IQGAP2: variants seen among roughly 807,000 people sequenced by gnomAD.
The protein encoded by IQGAP2 is ras GTPase-activating-like protein IQGAP2.
A neutral mutation model predicts 201.3 loss-of-function variants in IQGAP2; 173 were observed. That is an observed-to-expected ratio of 0.86 (90% CI 0.76 to 0.98). The LOEUF is 0.98. Ranked by LOEUF, IQGAP2 falls within the 50% of genes least tolerant of loss-of-function variation. IQGAP2 has a pLI of 0.00. For missense variants in IQGAP2, 1,687 were observed against 1,864.8 expected, an observed-to-expected ratio of 0.90 and a Z score of 1.76; for synonymous variants, 675 against 673.9, an observed-to-expected ratio of 1.00 and a Z score of -0.03.
intron 13 of IQGAP2, chr5:76,623,545 G>C (rs1201615285): frequency 1.5e-5 from 4 of 274,908 alleles, no homozygotes; most frequent in Non-Finnish European, 2.7e-5. Flanking sequence ...TCCCCTAGTA[G>C]ATTTGCTTTT....
intron 1 of IQGAP2, among the ~76,000 whole-genome samples, chr5:76,458,982 G>A (rs957529232): frequency 6.6e-6 from 1 of 152,156 alleles, no homozygotes; most frequent in Non-Finnish European, 1.5e-5. Context: ...ACCAAAGCAG[G>A]ATAGGAGGGC....
At chr5:76,660,185 G>A (rs1361443273) in intron 21 of IQGAP2, 1 of 152,242 alleles carries the variant, frequency 6.6e-6, no homozygotes, top group African/African-American at 2.4e-5. Flanking sequence ...ACATGGGCAT[G>A]TGAATGCCCC....
intron 1 of IQGAP2, among the ~76,000 whole-genome samples, chr5:76,443,035 A>G (rs1753140948): frequency 6.6e-6 from 1 of 152,156 alleles, no homozygotes; most frequent in African/African-American, 2.4e-5. Flanking sequence ...ATGATACCGG[A>G]ATAAAGACCA....
chr5:76,683,991 T>C, intron 30 of IQGAP2, 74 bp downstream of exon 30: 1 of 1,314,030 alleles, frequency 7.6e-7, no homozygotes, highest in East Asian at 2.4e-5. Context: ...TGAGGCTAAA[T>C]CCCAACTAAT....
chr5:76,486,170 G>T (rs1398661907), intron 2 of IQGAP2, among the ~76,000 whole-genome samples: 1 of 152,164 alleles, frequency 6.6e-6, no homozygotes, highest in Admixed American at 6.5e-5. Flanking sequence ...TTGGTATAAA[G>T]GTGTTCAGCT....
intron 2 of IQGAP2, among the ~76,000 whole-genome samples, chr5:76,539,888 G>T (rs1742641346): frequency 6.6e-6 from 1 of 152,134 alleles, no homozygotes; most frequent in Non-Finnish European, 1.5e-5. Context: ...TCTTTCTGTA[G>T]TGCCCAGGAT....
intron 2 of IQGAP2, among the ~76,000 whole-genome samples, chr5:76,467,322 T>A: frequency 6.6e-6 from 1 of 152,158 alleles, no homozygotes; most frequent in Non-Finnish European, 1.5e-5. Flanking sequence ...AATTTTAAAA[T>A]GGGCAAAAGT....
In IQGAP2 at chr5:76,677,294, ACAGT is replaced by A; in HGVS notation, c.3608_3611del (p.Val1203AlafsTer34). On this transcript the variant is annotated frameshift_variant, in exon 28 of 36. Transcript: ENST00000274364. LOFTEE classifies it high-confidence loss of function. ...TATGGACAAATACACAGACCTGGTG[ACAGT>A]CAGCAAACCAGTCATTTATATTTCA... 6.2e-7 allele frequency: 1 copy of A among 1,613,898 alleles called. No individual in the cohort carries two copies. The highest frequency in any genetic ancestry group is 8.5e-7 in the Non-Finnish European group (1 of 1,179,850).
intron 11 of IQGAP2, among the ~76,000 whole-genome samples, chr5:76,605,247 C>T (rs1241483371): frequency 6.6e-6 from 1 of 152,088 alleles, no homozygotes; most frequent in Non-Finnish European, 1.5e-5. Context: ...GAAATTTCCC[C>T]AGGCAGAAAA....
chr5:76,414,540 G>T lies in IQGAP2; in HGVS notation c.46+10949G>T, dbSNP rs539569917. Reference sequence around the variant, plus strand: ...CATTTATTTGTAAAGAATATATAAGGCCGGATATGGTGGCTCAAGCCTGTA... The same window carrying T: ...CATTTATTTGTAAAGAATATATAAGTCCGGATATGGTGGCTCAAGCCTGTA... On this transcript the variant is annotated intron_variant, in intron 1 of 35. Coordinates refer to ENST00000274364, the MANE Select transcript of IQGAP2 (RefSeq NM_006633.5). 2.4e-4 allele frequency among the ~76,000 whole-genome samples: 36 copies of T among 152,188 alleles called. No individual in the cohort carries two copies. In the East Asian group the frequency reaches 6.5e-3, roughly 28 times the overall value.
At chr5:76,556,176 G>C (rs1043627376) in intron 2 of IQGAP2, among the ~76,000 whole-genome samples, 8 of 152,174 alleles carry the variant, frequency 5.3e-5, no homozygotes, top group Admixed American at 4.6e-4. Context: ...AGGGTTTCAA[G>C]AGGCAGTGTC....
intron 2 of IQGAP2, among the ~76,000 whole-genome samples, chr5:76,554,390 T>C (rs1162308775): frequency 6.6e-6 from 1 of 152,200 alleles, no homozygotes. Context: ...GCTCACAGAA[T>C]GGAGGAAACA....
intron 13 of IQGAP2, among the ~76,000 whole-genome samples, chr5:76,622,558 C>T (rs1290968798): frequency 6.6e-6 from 1 of 152,178 alleles, no homozygotes; most frequent in Non-Finnish European, 1.5e-5. Flanking sequence ...CAGGAGGTTT[C>T]AGGCTAACAT....
intron 2 of IQGAP2, among the ~76,000 whole-genome samples, chr5:76,487,159 C>T (rs964077698): frequency 2.0e-5 from 3 of 149,572 alleles, no homozygotes; most frequent in Non-Finnish European, 1.5e-5. Flanking sequence ...AGTGCAGTGG[C>T]ACAATCTCAG....
chr5:76,693,265 G>C lies in IQGAP2; in HGVS notation c.3906-90G>C, dbSNP rs1204279683. Reference sequence around the variant, plus strand: ...GTATTATCTTTGAAGCTTCAGTATTGTATGTGTTTGTGCACTCTCTTAGGA... The same window carrying C: ...GTATTATCTTTGAAGCTTCAGTATTCTATGTGTTTGTGCACTCTCTTAGGA... On this transcript the variant is annotated intron_variant, in intron 30 of 35. Transcript: ENST00000274364. The C allele has an allele frequency of 3.2e-5, 24 of 739,404 alleles. No individual in the cohort carries two copies. The Admixed American group carries it at 5.8e-4, about 18-fold the overall frequency. The allele number at this position is 739,404 out of a possible 1,614,324, so 45.8% of individuals were successfully genotyped here.
chr5:76,459,244 G>A (rs1754284349), intron 1 of IQGAP2, among the ~76,000 whole-genome samples: 2 of 152,156 alleles, frequency 1.3e-5, no homozygotes, highest in African/African-American at 4.8e-5. Flanking sequence ...GGCAGTTGTG[G>A]GCAGAGGCCG....
chr5:76,695,534 T>A lies in IQGAP2; in HGVS notation c.4074T>A (p.Ser1358=), dbSNP rs754484301. Reference sequence around the variant, plus strand: ...CAGAAGAAATGAAGCATAGCCAATCTATGATTGAAGATGCACAGCTGCCTC... The same window carrying A: ...CAGAAGAAATGAAGCATAGCCAATCAATGATTGAAGATGCACAGCTGCCTC... ...RTPEEMKHSQ[S]MIEDAQLPLE... is the part of the protein sequence containing the mutation. The change falls in exon 32 of 36, where the codon TCT becomes TCA. Residue 1358 remains serine (S), a synonymous_variant. Transcript: ENST00000274364. 1.5e-5 allele frequency: 24 copies of A among 1,613,962 alleles called. No homozygotes were observed. The highest frequency in any genetic ancestry group is 1.7e-6 in the Non-Finnish European group (2 of 1,179,976).
chr5:76,611,855 T>C (rs933770050), intron 13 of IQGAP2, among the ~76,000 whole-genome samples: 2 of 152,166 alleles, frequency 1.3e-5, no homozygotes, highest in Admixed American at 1.3e-4. Context: ...GAGGCTGATA[T>C]GATCTGTCAC....
intron 30 of IQGAP2, among the ~76,000 whole-genome samples, chr5:76,684,590 A>G (rs1178517970): frequency 6.6e-6 from 1 of 152,228 alleles, no homozygotes; most frequent in Non-Finnish European, 1.5e-5. Flanking sequence ...TGCAGTTTTC[A>G]AGAACTTATA....
Sources: allele counts gnomAD v4.1 joint callset (sites outside exome capture counted in the v4.1 genomes callset), GRCh38; gene constraint gnomAD v4.1.1; transcripts MANE v1.5; gene names NCBI Gene and HGNC (gene_info 2026-07-23, HGNC 2026-07-21).